The following PBX1 variants were observed in gnomAD, a reference collection of about 807,000 sequenced individuals.
PBX1 encodes PBX homeobox 1, also known as pre-B-cell leukemia transcription factor 1.
In PBX1, 6 loss-of-function variants were observed where a neutral mutation model predicts 53.4. That is an observed-to-expected ratio of 0.11 (90% CI 0.06 to 0.22). The LOEUF (loss-of-function observed/expected upper bound fraction) is 0.22, where lower values mean the gene tolerates loss of function less well. PBX1 is among the 10% of genes least tolerant of loss of function. The pLI, the probability that PBX1 is intolerant of heterozygous loss-of-function variation, is 1.00. For synonymous variants in PBX1, 204 were observed against 212.3 expected (o/e 0.96, Z 0.34); for missense variants, 251 against 551.4 (o/e 0.46, Z 5.46).
At position 164,850,519 on chromosome 1, in the gene PBX1, CT is replaced by C; in HGVS notation, c.*3850del. Reference sequence around the variant, plus strand: ...TATTTTTGGTTTGTTTATTGGGGGGCTTTTTTTAATTGTCAGGATTATGATC... The same window carrying C: ...TATTTTTGGTTTGTTTATTGGGGGGCTTTTTTAATTGTCAGGATTATGATC... On this transcript the variant is annotated 3_prime_UTR_variant, in exon 9 of 9. Transcript: ENST00000420696. 1.0e-5 allele frequency: 2 copies of C among 193,772 alleles called. No homozygotes were observed. The highest frequency in any genetic ancestry group is 2.1e-5 in the Non-Finnish European group (2 of 93,302). The allele number at this position is 193,772 out of a possible 1,614,324, so 12.0% of individuals were successfully genotyped here.
chr1:164,657,373 G>A (rs974566427), intron 2 of PBX1: 9 of 152,106 alleles, frequency 5.9e-5, no homozygotes, highest in Non-Finnish European at 1.0e-4. Flanking sequence ...TAATAATATG[G>A]TAAACCAAAC....
chr1:164,650,617 C>A (rs1033261856), intron 2 of PBX1, among the ~76,000 whole-genome samples: 7 of 152,064 alleles, frequency 4.6e-5, no homozygotes, highest in African/African-American at 1.7e-4. Flanking sequence ...CATCATAGTC[C>A]CTAAAACTTT....
At chr1:164,752,396 G>A (rs531057742) in intron 2 of PBX1, among the ~76,000 whole-genome samples, 8 of 152,240 alleles carry the variant, frequency 5.3e-5, no homozygotes, top group South Asian at 2.1e-4. Context: ...ACCAAATACT[G>A]TGAGCCAGAT....
intron 2 of PBX1, among the ~76,000 whole-genome samples, chr1:164,624,050 A>G (rs1054163421): frequency 6.6e-6 from 1 of 152,172 alleles, no homozygotes; most frequent in Non-Finnish European, 1.5e-5. Flanking sequence ...GTGAGGGTCA[A>G]TCTTTCTTAT....
At chr1:164,868,089 A>C (rs1672262197) in intron 2 of PBX1, among the ~76,000 whole-genome samples, 1 of 152,228 alleles carries the variant, frequency 6.6e-6, no homozygotes, top group South Asian at 2.1e-4. Context: ...GAGGAAGAAG[A>C]GAATACGGAG....
intron 2 of PBX1, among the ~76,000 whole-genome samples, chr1:164,664,435 G>A (rs1363905823): frequency 2.0e-5 from 3 of 152,102 alleles, no homozygotes; most frequent in East Asian, 1.9e-4. Context: ...TTGTGTTGCC[G>A]CCAGTACCAA....
chr1:164,667,412 A>ATGTGTGTG (rs59721347), intron 2 of PBX1, among the ~76,000 whole-genome samples: 1 of 147,406 alleles, frequency 6.8e-6, no homozygotes, highest in East Asian at 2.0e-4. Context: ...TATGTATAAT[A>ATGTGTGTG]TGTGTGTGTG....
chr1:164,630,438 A>G (rs1168423609), intron 2 of PBX1, among the ~76,000 whole-genome samples: 1 of 152,168 alleles, frequency 6.6e-6, no homozygotes, highest in Non-Finnish European at 1.5e-5. Flanking sequence ...TGCTGTTTTC[A>G]TATTTAAGCT....
intron 2 of PBX1, among the ~76,000 whole-genome samples, chr1:164,715,570 A>G (rs990033099): frequency 6.6e-6 from 1 of 152,138 alleles, no homozygotes. Flanking sequence ...TTATCTATCT[A>G]ACTCCTGTTG....
intron 2 of PBX1, among the ~76,000 whole-genome samples, chr1:164,563,647 A>T (rs1653219266): frequency 6.6e-6 from 1 of 152,104 alleles, no homozygotes; most frequent in Admixed American, 6.5e-5. Flanking sequence ...TTTTTAAGGA[A>T]TATATTTTGG....
intron 2 of PBX1, among the ~76,000 whole-genome samples, chr1:164,620,558 C>T (rs1657600242): frequency 6.6e-6 from 1 of 152,104 alleles, no homozygotes; most frequent in Admixed American, 6.5e-5. Flanking sequence ...TGTCTATAAC[C>T]ATATTCTCGT....
intron 2 of PBX1, among the ~76,000 whole-genome samples, chr1:164,755,576 A>G (rs1202707814): frequency 6.6e-6 from 1 of 152,106 alleles, no homozygotes; most frequent in Non-Finnish European, 1.5e-5. Flanking sequence ...TTTTTTTTTA[A>G]AGAAATGAAT....
chr1:164,873,397 C>T (rs1296290202), intron 2 of PBX1, among the ~76,000 whole-genome samples: 1 of 152,182 alleles, frequency 6.6e-6, no homozygotes, highest in East Asian at 1.9e-4. Flanking sequence ...ATAGTAATTC[C>T]CTGCCGTTCC....
chr1:164,621,178 G>A (rs1227008371), intron 2 of PBX1, among the ~76,000 whole-genome samples: 2 of 151,904 alleles, frequency 1.3e-5, no homozygotes, highest in Non-Finnish European at 2.9e-5. Flanking sequence ...TAGTAGAGAC[G>A]GGGTTTCGCT....
Position 164,648,502 on chromosome 1 carries a change from G to A in PBX1, c.265+85191G>A, listed in dbSNP as rs779632854. Among the ~76,000 whole-genome samples the A allele has an allele frequency of 3.2e-4, 48 of 152,336 alleles. No individual in the cohort carries two copies. The South Asian group carries it at 5.8e-3, about 18-fold the overall frequency. The stretch of plus-strand genomic sequence containing the variant: ...CACACTTAGGATATTTTACTTGCAC[G>A]CAGCAGAGAGGTTGCTGTTATCCTC... On this transcript the variant is annotated intron_variant, in intron 2 of 8. Transcript: ENST00000420696.
chr1:164,628,206 G>A (rs1658171982), intron 2 of PBX1, among the ~76,000 whole-genome samples: 1 of 152,160 alleles, frequency 6.6e-6, no homozygotes, highest in Non-Finnish European at 1.5e-5. Flanking sequence ...CTGCAGGTTT[G>A]CTTTAAATTG....
At chr1:164,666,613 G>A (rs140385521) in intron 2 of PBX1, among the ~76,000 whole-genome samples, 252 of 152,246 alleles carry the variant, frequency 1.7e-3, no homozygotes, top group African/African-American at 5.4e-3. Context: ...TAATGGAAAT[G>A]TCCCTATACT....
chr1:164,849,365 C>A lies in PBX1; in HGVS notation c.*2689C>A. The A allele has an allele frequency of 6.5e-7, 1 of 1,535,724 alleles. No individual in the cohort carries two copies. The highest frequency in any genetic ancestry group is 1.2e-5 in the South Asian group (1 of 84,060). On this transcript the variant is annotated 3_prime_UTR_variant, in exon 9 of 9. Transcript: ENST00000420696. ...CACCTCCCCCGGCACCCCCGGCAAG[C>A]CCACTATCACTTCCGACTTCCAACG... is the stretch of plus-strand genomic sequence containing the variant.
At chr1:164,735,535 G>A (rs940687801) in intron 2 of PBX1, among the ~76,000 whole-genome samples, 6 of 152,162 alleles carry the variant, frequency 3.9e-5, no homozygotes, top group African/African-American at 9.7e-5. Context: ...TATACAGATC[G>A]CTAGCTGCCT....
Sources: gnomAD v4.1 joint callset for allele counts (sites outside exome capture counted in the v4.1 genomes callset) on GRCh38, gnomAD v4.1.1 for gene constraint, MANE v1.5 for transcripts, NCBI Gene and HGNC (gene_info 2026-07-23, HGNC 2026-07-21) for gene names.